The following RNFT2 variants were observed in gnomAD, a reference collection of about 807,000 sequenced individuals.
RNFT2 encodes ring finger protein, transmembrane 2.
In RNFT2, 36 loss-of-function variants were observed where a neutral mutation model predicts 53.0. The ratio of observed to expected loss-of-function variants is 0.68; its 90% CI spans 0.52 to 0.90. RNFT2 has a LOEUF of 0.90. Ranked by LOEUF, RNFT2 falls within the 40% of genes least tolerant of loss-of-function variation. RNFT2 has a pLI of 0.00. For synonymous variants in RNFT2, 260 were observed against 253.2 expected, an observed-to-expected ratio of 1.03 and a Z score of -0.26; for missense variants, 514 against 585.6, an observed-to-expected ratio of 0.88 and a Z score of 1.26.
At chr12:116,757,205 T>C (rs1872543173) in intron 5 of RNFT2, among the ~76,000 whole-genome samples, 1 of 152,148 alleles carries the variant, frequency 6.6e-6, no homozygotes, top group African/African-American at 2.4e-5. Flanking sequence ...GGTCATTGGA[T>C]TTTCTCTCTT....
chr12:116,797,002 G>C (rs1040241420), intron 7 of RNFT2, among the ~76,000 whole-genome samples: 7 of 152,222 alleles, frequency 4.6e-5, no homozygotes, highest in Non-Finnish European at 8.8e-5. Context: ...TTAGTGGACA[G>C]AGACCAGGGG....
At position 116,852,320 on chromosome 12, in the gene RNFT2, C is replaced by A; in HGVS notation, c.*2872C>A. On this transcript the variant is annotated 3_prime_UTR_variant, in exon 11 of 11. Transcript: ENST00000257575. ...TCAGCCAGTATTAACATGTCCCCTT[C>A]CCCCTGCCCCGCCGTAGATTCAGGA... 1 of 1,249,630 alleles carries A rather than the reference C, an allele frequency of 8.0e-7. No homozygotes were observed. Among genetic ancestry groups the A allele is most frequent in the Non-Finnish European group, 1.0e-6 (1 of 990,786 alleles). The allele number at this position is 1,249,630 out of a possible 1,614,324, so 77.4% of individuals were successfully genotyped here. A position where few individuals can be genotyped will look rare whatever the true frequency, so the allele number is the denominator to read the frequency against.
chr12:116,739,124 TG>T (rs1199725806), intron 1 of RNFT2, among the ~76,000 whole-genome samples: 17 of 152,116 alleles, frequency 1.1e-4, no homozygotes, highest in Non-Finnish European at 1.3e-4. Context: ...CCAATAATCG[TG>T]CCCTAAACTG....
rs1877865238 is a variant in RNFT2 at position 116,850,470 on chromosome 12, C to T, written c.*1022C>T. 6.6e-6 allele frequency: 1 copy of T among 151,958 alleles called. No homozygotes were observed. The highest frequency in any genetic ancestry group is 1.5e-5 in the Non-Finnish European group (1 of 68,062). 9.4% of individuals were successfully genotyped at this position (151,958 alleles called of 1,614,324 possible). On this transcript the variant is annotated 3_prime_UTR_variant, in exon 11 of 11. Coordinates refer to ENST00000257575, the MANE Select transcript of RNFT2 (RefSeq NM_001382266.1). Reference sequence around the variant, plus strand: ...ACAGGTATGAGCCCCTGTGCCCAGCCCACCTGCTGGTTATTTTAACTTAGT... The same window carrying T: ...ACAGGTATGAGCCCCTGTGCCCAGCTCACCTGCTGGTTATTTTAACTTAGT...
chr12:116,825,759 G>A (rs1357355467), intron 7 of RNFT2, among the ~76,000 whole-genome samples: 1 of 152,122 alleles, frequency 6.6e-6, no homozygotes, highest in Non-Finnish European at 1.5e-5. Context: ...ATGTGTGTAT[G>A]TATGTGTGTA....
At chr12:116,842,568 ATTTG>A (rs138521237) in intron 10 of RNFT2, among the ~76,000 whole-genome samples, 32,975 of 150,926 alleles carry the variant, frequency 0.22, 3,857 homozygotes, top group East Asian at 0.34. Flanking sequence ...TTATTTATTT[ATTTG>A]TTTGTTTGTT....
chr12:116,783,468 A>C (rs1303078532), intron 7 of RNFT2, among the ~76,000 whole-genome samples: 1 of 152,220 alleles, frequency 6.6e-6, no homozygotes, highest in Non-Finnish European at 1.5e-5. Flanking sequence ...CCTGGGGACC[A>C]CATATGTTGA....
chr12:116,842,872 C>T (rs768520139), intron 10 of RNFT2, among the ~76,000 whole-genome samples: 1 of 152,096 alleles, frequency 6.6e-6, no homozygotes, highest in Non-Finnish European at 1.5e-5. Flanking sequence ...CTGTGCCCGG[C>T]GTGTTTATAC....
In RNFT2 at chr12:116,852,567, C is replaced by T; in HGVS notation, c.*3119C>T. On this transcript the variant is annotated 3_prime_UTR_variant, in exon 11 of 11. Transcript: ENST00000257575. ...GCCATGTGAATGCAGCTGCTCTGTTCTCCCTACCCTGAGGAAAAACCAAAG... is the reference window on the plus strand; with the variant it reads ...GCCATGTGAATGCAGCTGCTCTGTTTTCCCTACCCTGAGGAAAAACCAAAG... 6.2e-7 allele frequency: 1 copy of T among 1,610,128 alleles called. No homozygotes were observed. Among genetic ancestry groups the T allele is most frequent in the Non-Finnish European group, 8.5e-7 (1 of 1,177,746 alleles).
At position 116,785,615 on chromosome 12, in the gene RNFT2, C is replaced by A. The variant is rs542559642; in HGVS notation, c.882+6267C>A. On this transcript the variant is annotated intron_variant, in intron 7 of 10. Coordinates refer to ENST00000257575, the MANE Select transcript of RNFT2 (RefSeq NM_001382266.1). ...TCACTATTTGAAAAGTCTGTTTGGC[C>A]CACCAGTGTATCTGTAAGACCCGGC... Among the ~76,000 whole-genome samples, 5 of 152,234 alleles carry A rather than the reference C, an allele frequency of 3.3e-5. No homozygotes were observed. In the South Asian group the frequency reaches 1.0e-3, roughly 32 times the overall value.
At position 116,821,802 on chromosome 12, in the gene RNFT2, C is replaced by CTTTTTT. The variant is rs149043452; in HGVS notation, c.883-11963_883-11958dup. On this transcript the variant is annotated intron_variant, in intron 7 of 10. Coordinates refer to ENST00000257575, the MANE Select transcript of RNFT2 (RefSeq NM_001382266.1). Reference sequence around the variant, plus strand: ...TCCTCCTTTTTCTGACTACTTGTTTCTTTTTTTTTTTTTTTTTTTTTTTTT... The same window carrying CTTTTTT: ...TCCTCCTTTTTCTGACTACTTGTTTCTTTTTTTTTTTTTTTTTTTTTTTTTTTTTTT... 4.5e-3 allele frequency among the ~76,000 whole-genome samples: 199 copies of CTTTTTT among 43,906 alleles called. 6 individuals are homozygous for CTTTTTT. The highest frequency in any genetic ancestry group is 7.7e-3 in the African/African-American group (75 of 9,774). 28.8% of individuals were successfully genotyped at this position (43,906 alleles called of 152,430 possible).
chr12:116,852,163 T>G lies in RNFT2; in HGVS notation c.*2715T>G. The G allele has an allele frequency of 8.9e-7, 1 of 1,122,782 alleles. No individual in the cohort carries two copies. The highest frequency in any genetic ancestry group is 1.2e-6 in the Non-Finnish European group (1 of 839,002). 69.6% of individuals were successfully genotyped at this position (1,122,782 alleles called of 1,614,324 possible). A position where few individuals can be genotyped will look rare whatever the true frequency, so the allele number is the denominator to read the frequency against. Reference sequence around the variant, plus strand: ...TGCCCTATTCCTCCTCCCAAGTCTGTTCTCTTATTGTCAACCTCAGCACAA... The same window carrying G: ...TGCCCTATTCCTCCTCCCAAGTCTGGTCTCTTATTGTCAACCTCAGCACAA... On this transcript the variant is annotated 3_prime_UTR_variant, in exon 11 of 11. Coordinates refer to ENST00000257575, the MANE Select transcript of RNFT2 (RefSeq NM_001382266.1).
intron 7 of RNFT2, among the ~76,000 whole-genome samples, chr12:116,808,993 C>T (rs1328110310): frequency 6.6e-6 from 1 of 152,294 alleles, no homozygotes; most frequent in South Asian, 2.1e-4. Flanking sequence ...TTAGGATGGC[C>T]GCCCCATCCC....
intron 7 of RNFT2, among the ~76,000 whole-genome samples, chr12:116,782,716 G>A (rs76013059): frequency 0.046 from 7,043 of 151,974 alleles, 158 homozygotes; most frequent in African/African-American, 0.054. Flanking sequence ...ACATCCCTGG[G>A]AAGCGGGCAC....
intron 10 of RNFT2, among the ~76,000 whole-genome samples, chr12:116,838,524 C>T (rs954710032): frequency 1.3e-5 from 2 of 152,194 alleles, no homozygotes; most frequent in South Asian, 2.1e-4. Context: ...ATGACACAGC[C>T]GCTTGCTTCT....
chr12:116,841,024 T>C (rs1360135728), intron 10 of RNFT2, among the ~76,000 whole-genome samples: 2 of 152,180 alleles, frequency 1.3e-5, no homozygotes, highest in African/African-American at 4.8e-5. Flanking sequence ...AGATTCCCTA[T>C]AATGAGTAAG....
intron 4 of RNFT2, among the ~76,000 whole-genome samples, chr12:116,750,917 T>TTA (rs1872222936): frequency 8.0e-6 from 1 of 124,254 alleles, no homozygotes; most frequent in African/African-American, 3.2e-5. Context: ...TATTTTTTTT[T>TTA]GAGACAGGGT....
chr12:116,805,974 A>G (rs1875027311), intron 7 of RNFT2, among the ~76,000 whole-genome samples: 1 of 152,250 alleles, frequency 6.6e-6, no homozygotes, highest in African/African-American at 2.4e-5. Context: ...TGATTGCATA[A>G]CTAAATACTA....
At chr12:116,785,557 A>C (rs1401514087) in intron 7 of RNFT2, among the ~76,000 whole-genome samples, 1 of 152,060 alleles carries the variant, frequency 6.6e-6, no homozygotes, top group Non-Finnish European at 1.5e-5. Context: ...CTTCCAAAGT[A>C]CTTGTGTAAT....
Sources: gnomAD v4.1 joint callset for allele counts (sites outside exome capture counted in the v4.1 genomes callset) on GRCh38, gnomAD v4.1.1 for gene constraint, MANE v1.5 for transcripts, NCBI Gene and HGNC (gene_info 2026-07-23, HGNC 2026-07-21) for gene names.